BTG4: variants seen among roughly 807,000 people sequenced by gnomAD.
BTG4 encodes protein BTG4.
In BTG4, 10 loss-of-function variants were observed where a neutral mutation model predicts 19.3. The ratio of observed to expected loss-of-function variants is 0.52; its 90% confidence interval spans 0.32 to 0.88. The LOEUF is 0.88. Among genes scored for constraint, BTG4 ranks in the 40% least tolerant of loss-of-function variants. The pLI, the probability that BTG4 is intolerant of heterozygous loss-of-function variation, is 0.04. For missense variants in BTG4, 238 were observed against 281.9 expected, an observed-to-expected ratio of 0.84 and a Z score of 1.11; for synonymous variants, 91 against 95.7, an observed-to-expected ratio of 0.95 and a Z score of 0.29.
the BTG4 span, chr11:111,452,514 G>A: frequency 2.0e-5 from 3 of 152,270 alleles, no homozygotes; most frequent in Non-Finnish European, 4.4e-5. Flanking sequence ...GATCCCCCAG[G>A]CCCTGAAGAG....
chr11:111,437,632 G>T, the BTG4 span, among the ~76,000 whole-genome samples: 6 of 152,138 alleles, frequency 3.9e-5, no homozygotes, highest in African/African-American at 1.4e-4. Flanking sequence ...TCACCGCCTT[G>T]CCTGAGGCTA....
At chr11:111,410,341 G>A in the BTG4 span, among the ~76,000 whole-genome samples, 7,687 of 152,146 alleles carry the variant, frequency 0.051, 280 homozygotes, top group Non-Finnish European at 0.081. Context: ...CTGGGCTCAA[G>A]CAATCCTCCT....
chr11:111,419,866 G>A, the BTG4 span, among the ~76,000 whole-genome samples: 1 of 152,236 alleles, frequency 6.6e-6, no homozygotes, highest in Non-Finnish European at 1.5e-5. Context: ...ACTATTGGGT[G>A]CCAGTTGGCT....
At chr11:111,415,244 C>A in the BTG4 span, among the ~76,000 whole-genome samples, 1 of 152,172 alleles carries the variant, frequency 6.6e-6, no homozygotes, top group Non-Finnish European at 1.5e-5. Context: ...TCCCCTGCAA[C>A]CCAAAAGGAC....
chr11:111,453,256 C>T, the BTG4 span, among the ~76,000 whole-genome samples: 1 of 152,138 alleles, frequency 6.6e-6, no homozygotes, highest in Non-Finnish European at 1.5e-5. Context: ...GGGGGAAAAA[C>T]GACAGAGACC....
the BTG4 span, among the ~76,000 whole-genome samples, chr11:111,429,213 G>A: frequency 6.6e-6 from 1 of 152,184 alleles, no homozygotes; most frequent in South Asian, 2.1e-4. Context: ...CTACTTTTGA[G>A]GGAGGCGCCC....
At chr11:111,387,756 G>C in the BTG4 span, among the ~76,000 whole-genome samples, 1 of 152,196 alleles carries the variant, frequency 6.6e-6, no homozygotes, top group Non-Finnish European at 1.5e-5. Flanking sequence ...AATCAAGAAA[G>C]CCTGATAGTT....
At chr11:111,385,421 A>G in the BTG4 span, 2 of 152,190 alleles carry the variant, frequency 1.3e-5, no homozygotes, top group Admixed American at 1.3e-4. Context: ...TAAAGAGCCA[A>G]TCATGTAAAC....
At chr11:111,483,030 CA>C (rs761050321) in intron 5 of BTG4, among the ~76,000 whole-genome samples, 10 of 152,114 alleles carry the variant, frequency 6.6e-5, no homozygotes, top group Non-Finnish European at 1.0e-4. Flanking sequence ...AACCCTCTAG[CA>C]AGCATCCCCC....
At chr11:111,511,543 T>G (rs902968825) in intron 1 of BTG4, among the ~76,000 whole-genome samples, 11 of 152,342 alleles carry the variant, frequency 7.2e-5, no homozygotes, top group African/African-American at 2.4e-4. Context: ...GGGTGCTCTA[T>G]ACTGGATGCA....
At chr11:111,502,465 C>A (rs1222266145) in intron 1 of BTG4, among the ~76,000 whole-genome samples, 1 of 152,134 alleles carries the variant, frequency 6.6e-6, no homozygotes, top group Non-Finnish European at 1.5e-5. Context: ...ATTATTAGGA[C>A]AAATTTGCAT....
At chr11:111,389,483 A>C in the BTG4 span, among the ~76,000 whole-genome samples, 2 of 152,232 alleles carry the variant, frequency 1.3e-5, no homozygotes, top group African/African-American at 4.8e-5. Context: ...TGAACAAAGT[A>C]AGCTAAGCCT....
At chr11:111,475,749 T>C (rs948922990) in intron 5 of BTG4, among the ~76,000 whole-genome samples, 3 of 152,168 alleles carry the variant, frequency 2.0e-5, no homozygotes, top group Non-Finnish European at 1.5e-5. Flanking sequence ...GCCCTGTATT[T>C]ATCTGTTCTC....
At chr11:111,501,473 A>G (rs1866076334) in intron 1 of BTG4, among the ~76,000 whole-genome samples, 1 of 152,236 alleles carries the variant, frequency 6.6e-6, no homozygotes, top group South Asian at 2.1e-4. Context: ...TGAGAGGTAT[A>G]AGAAATGTAA....
chr11:111,470,433 C>A (rs892621215), intron 5 of BTG4, among the ~76,000 whole-genome samples: 2 of 152,142 alleles, frequency 1.3e-5, no homozygotes. Context: ...AGTTACATGA[C>A]TGAGTCATGA....
rs118075032 is a variant in BTG4, at chr11:111,482,283, T to C, written c.662+12880A>G. The stretch of plus-strand genomic sequence containing the variant: ...ATCTAAAAATCATGTACAAGAGTTG[T>C]ATAACACACACACACGAAGAAATTG... On this transcript the variant is annotated intron_variant, in intron 5 of 5. Coordinates refer to the BTG4 transcript ENST00000356018. Among the ~76,000 whole-genome samples the C allele has an allele frequency of 6.7e-3, 1,016 of 152,168 alleles. 29 individuals are homozygous for C. The highest frequency in any genetic ancestry group is 0.048 in the Admixed American group (729 of 15,262).
At chr11:111,504,578 A>G (rs1866319103) in intron 1 of BTG4, among the ~76,000 whole-genome samples, 1 of 151,946 alleles carries the variant, frequency 6.6e-6, no homozygotes, top group African/African-American at 2.4e-5. Flanking sequence ...TTAGAAACCA[A>G]GATAACTCCT....
chr11:111,499,625 T>C (rs1865947326), intron 1 of BTG4, among the ~76,000 whole-genome samples: 4 of 152,248 alleles, frequency 2.6e-5, no homozygotes, highest in African/African-American at 9.6e-5. Flanking sequence ...TCCAATGATG[T>C]CATCTCTAAC....
chr11:111,469,683 T>C (rs898948134), intron 5 of BTG4: 31 of 152,664 alleles, frequency 2.0e-4, no homozygotes, highest in African/African-American at 7.5e-4. Flanking sequence ...AGATGAGAAC[T>C]CTCAAGCCCC....
Sources: allele counts gnomAD v4.1 joint callset (sites outside exome capture counted in the v4.1 genomes callset), GRCh38; gene constraint gnomAD v4.1.1; transcripts MANE v1.5; gene names NCBI Gene and HGNC (gene_info 2026-07-23, HGNC 2026-07-21).